MICAL2: variants seen among roughly 807,000 people sequenced by gnomAD.
MICAL2 encodes [F-actin]-monooxygenase MICAL2.
MICAL2 carries 77 observed loss-of-function variants against 127.3 expected under a neutral mutation model. That is an observed-to-expected ratio of 0.60 (90% CI 0.50 to 0.73). MICAL2 has a LOEUF of 0.73. MICAL2 is among the 30% of genes least tolerant of loss of function. The pLI is 0.00. For synonymous variants in MICAL2, 570 were observed against 551.1 expected (o/e 1.03, Z -0.48); for missense variants, 1,351 against 1,434.4 (o/e 0.94, Z 0.94).
chr11:12,290,155 C>T (rs995785220), downstream of MICAL2, among the ~76,000 whole-genome samples: 7 of 152,206 alleles, frequency 4.6e-5, no homozygotes, highest in Non-Finnish European at 1.0e-4. Flanking sequence ...ACAAGGGGCT[C>T]GGCCTGAGCT....
intron 26 of MICAL2, chr11:12,261,243 G>T (rs1178298317): frequency 6.1e-6 from 6 of 985,412 alleles, no homozygotes; most frequent in Non-Finnish European, 7.2e-6. Flanking sequence ...CCACACATAT[G>T]TGGTCAAAAC....
intron 3 of MICAL2, among the ~76,000 whole-genome samples, chr11:12,169,730 T>G (rs1342291654): frequency 6.6e-6 from 1 of 152,240 alleles, no homozygotes; most frequent in African/African-American, 2.4e-5. Context: ...ATTGCCATTT[T>G]AAACAGTGCT....
chr11:12,355,566 T>G (rs190230349), intron 34 of MICAL2, among the ~76,000 whole-genome samples: 1 of 152,332 alleles, frequency 6.6e-6, no homozygotes, highest in Non-Finnish European at 1.5e-5. Flanking sequence ...ACTTAAAGAA[T>G]GTCTATACCT....
At chr11:12,319,825 A>G in intron 30 of MICAL2, 2 of 1,603,310 alleles carry the variant, frequency 1.2e-6, no homozygotes, top group Non-Finnish European at 1.7e-6. Context: ...ACAACACTTG[A>G]CCAGCCAAAG....
Position 12,204,297 on chromosome 11 carries a change from A to G in MICAL2, c.312A>G (p.Glu104=). Residue 104 remains glutamate, a synonymous_variant, in exon 4 of 28, where the codon GAA becomes GAG. Transcript: ENST00000683283. ...GGPCGLRTAI[E]LAYLGAKVVV... ...CCTGTGGCTTGCGCACTGCCATTGA[A>G]CTTGCCTACCTGGGAGCCAAAGTGG... 1 of 1,614,088 alleles carries G rather than the reference A, an allele frequency of 6.2e-7. No homozygotes were observed. The highest frequency in any genetic ancestry group is 8.5e-7 in the Non-Finnish European group (1 of 1,180,010).
chr11:12,222,799 G>T, intron 11 of MICAL2, 56 bp downstream of exon 11: 1 of 1,601,122 alleles, frequency 6.2e-7, no homozygotes, highest in African/African-American at 1.3e-5. Context: ...AGTGGGAAGA[G>T]GTGGTGGGGA....
At chr11:12,137,885 C>T (rs1356148266) in intron 1 of MICAL2, among the ~76,000 whole-genome samples, 1 of 152,112 alleles carries the variant, frequency 6.6e-6, no homozygotes, top group Non-Finnish European at 1.5e-5. Flanking sequence ...TCACTGGAAG[C>T]CAAGAGAAAA....
At chr11:12,350,986 C>A (rs182708375) in intron 33 of MICAL2, among the ~76,000 whole-genome samples, 15 of 152,328 alleles carry the variant, frequency 9.8e-5, no homozygotes, top group South Asian at 6.2e-4. Context: ...TCACTCTAGT[C>A]TCTGCCTCTG....
downstream of MICAL2, chr11:12,294,258 C>T (rs996787684): frequency 4.3e-6 from 7 of 1,614,008 alleles, no homozygotes; most frequent in South Asian, 6.6e-5. Flanking sequence ...ATAGCCAATG[C>T]CATCCGAAGG....
intron 5 of MICAL2, 126 bp from the exon 6 acceptor site, chr11:12,209,371 G>GA: frequency 1.3e-6 from 1 of 767,830 alleles, no homozygotes; most frequent in Non-Finnish European, 2.3e-6. Context: ...CCTTTCCCCT[G>GA]GAGGCTCTCT....
intron 31 of MICAL2, among the ~76,000 whole-genome samples, chr11:12,326,704 C>T (rs1024073989): frequency 9.2e-5 from 14 of 152,236 alleles, no homozygotes; most frequent in African/African-American, 3.4e-4. Flanking sequence ...GCCCAGTTCT[C>T]TTGCTCCAGA....
Position 12,203,644 on chromosome 11 carries a change from A to G in MICAL2, c.265-606A>G, listed in dbSNP as rs569112660. On this transcript the variant is annotated intron_variant, in intron 3 of 27. Coordinates refer to ENST00000683283, the MANE Select transcript of MICAL2 (RefSeq NM_001282663.2). ...TATTATTGAGTTGTGAACATCCTTT[A>G]TATGTTTTGGATACAGGTCCCATAT... is the stretch of plus-strand genomic sequence containing the variant. 1.7e-3 allele frequency among the ~76,000 whole-genome samples: 258 copies of G among 152,104 alleles called. 1 individual carries two copies. The highest frequency in any genetic ancestry group is 6.0e-3 in the African/African-American group (248 of 41,510).
intron 33 of MICAL2, chr11:12,354,712 C>A: frequency 1.5e-6 from 2 of 1,297,932 alleles, no homozygotes; most frequent in South Asian, 1.3e-5. Flanking sequence ...TAGCTACTCT[C>A]AATGGGCTTA....
chr11:12,251,713 G>A (rs556406572), intron 22 of MICAL2, among the ~76,000 whole-genome samples: 10 of 151,724 alleles, frequency 6.6e-5, no homozygotes, highest in South Asian at 2.1e-4. Flanking sequence ...GATCCCCTGC[G>A]CAGATGACCC....
At chr11:12,296,859 C>T (rs1329506066), downstream of MICAL2, among the ~76,000 whole-genome samples, 3 of 151,868 alleles carry the variant, frequency 2.0e-5, no homozygotes, top group East Asian at 5.8e-4. Flanking sequence ...GAGCTCATTC[C>T]ATATTAGTAC....
chr11:12,270,973 G>A (rs889560794), intron 24 of MICAL2, among the ~76,000 whole-genome samples: 2 of 152,200 alleles, frequency 1.3e-5, no homozygotes, highest in African/African-American at 4.8e-5. Flanking sequence ...TGCGGCAGGG[G>A]TCTGGCCAGG....
In MICAL2 at chr11:12,241,035, C is replaced by T. The variant is rs766033590; in HGVS notation, c.2215-5C>T. Reference sequence around the variant, plus strand: ...GCTTTTTTGGACTCGCCTTTCTTCTCCCAGGAACGCCGTGTCTCAGGGATA... The same window carrying T: ...GCTTTTTTGGACTCGCCTTTCTTCTTCCAGGAACGCCGTGTCTCAGGGATA... On this transcript the variant is annotated splice_polypyrimidine_tract_variant and splice_region_variant and intron_variant, in intron 17 of 27. Coordinates refer to ENST00000683283, the MANE Select transcript of MICAL2 (RefSeq NM_001282663.2). The T allele has an allele frequency of 1.2e-6, 2 of 1,613,504 alleles. No homozygotes were observed. Among genetic ancestry groups the T allele is most frequent in the African/African-American group, 2.7e-5 (2 of 75,034 alleles).
chr11:12,257,184 G>T, intron 24 of MICAL2: 2 of 521,928 alleles, frequency 3.8e-6, no homozygotes, highest in South Asian at 6.3e-5. Context: ...TCAGCACTGT[G>T]GTACGGCATA....
chr11:12,136,612 A>G lies in MICAL2; in HGVS notation c.-148-1778A>G, dbSNP rs116938304. The stretch of plus-strand genomic sequence containing the variant: ...TATCAAGCTCCTCATTTTATGGATG[A>G]GGGAACAGAGGCCCTGACCCTCAAA... On this transcript the variant is annotated intron_variant, in intron 1 of 27. Coordinates refer to ENST00000683283, the MANE Select transcript of MICAL2 (RefSeq NM_001282663.2). Among the ~76,000 whole-genome samples the G allele has an allele frequency of 5.7e-3, 865 of 152,284 alleles. 4 individuals carry two copies. Among genetic ancestry groups the G allele is most frequent in the Non-Finnish European group, 7.7e-3 (521 of 68,016 alleles).
Sources: allele counts gnomAD v4.1 joint callset (sites outside exome capture counted in the v4.1 genomes callset), GRCh38; gene constraint gnomAD v4.1.1; transcripts MANE v1.5; gene names NCBI Gene and HGNC (gene_info 2026-07-23, HGNC 2026-07-21).